Variants in RCOR2 observed in about 807,000 individuals in gnomAD.
The protein encoded by RCOR2 is REST corepressor 2.
A neutral mutation model predicts 58.9 loss-of-function variants in RCOR2; 19 were observed. The observed-to-expected ratio is 0.32, with a 90% CI of 0.23 to 0.47. The LOEUF is 0.47. RCOR2 is among the 20% of genes least tolerant of loss of function. RCOR2 has a pLI of 1.00. For missense variants in RCOR2, 590 were observed against 707.9 expected (o/e 0.83, Z 1.89); for synonymous variants, 286 against 278.7 (o/e 1.03, Z -0.26).
At chr11:63,926,793 T>G in the RCOR2 span, among the ~76,000 whole-genome samples, 1 of 121,618 alleles carries the variant, frequency 8.2e-6, no homozygotes, top group African/African-American at 2.6e-5. Context: ...TTTTTTTTTG[T>G]TTTGTTTTTT....
the RCOR2 span, among the ~76,000 whole-genome samples, chr11:63,923,689 A>G: frequency 1.3e-5 from 2 of 151,748 alleles, no homozygotes; most frequent in Admixed American, 1.3e-4. Flanking sequence ...CACTCCCTCA[A>G]TTCCCCTGGC....
At chr11:63,913,756 A>C (rs1399659253) in intron 8 of RCOR2, among the ~76,000 whole-genome samples, 198 bp downstream of exon 8, 1 of 152,208 alleles carries the variant, frequency 6.6e-6, no homozygotes, top group Non-Finnish European at 1.5e-5. Flanking sequence ...TGCCTGGATT[A>C]CAGGCGTGAG....
Position 63,916,539 on chromosome 11 carries a change from G to T in RCOR2, c.-83C>A. 1.3e-6 allele frequency: 2 copies of T among 1,500,038 alleles called. No individual in the cohort carries two copies. The highest frequency in any genetic ancestry group is 8.9e-7 in the Non-Finnish European group (1 of 1,126,820). The allele number at this position is 1,500,038 out of a possible 1,614,324, so 92.9% of individuals were successfully genotyped here. A position where few individuals can be genotyped will look rare whatever the true frequency, so the allele number is the denominator to read the frequency against. ...CGCACTCGCTCCGAGTGCCGAGCCC[G>T]GCCCGGCCTGGAGAGGTCGCCACTG... On this transcript the variant is annotated 5_prime_UTR_variant, in exon 1 of 12. Transcript: ENST00000301459.
chr11:63,926,174 G>A, the RCOR2 span, among the ~76,000 whole-genome samples: 1 of 152,050 alleles, frequency 6.6e-6, no homozygotes, highest in South Asian at 2.1e-4. Flanking sequence ...GCCTCCCAAA[G>A]TGCTGGGATT....
chr11:63,926,488 TC>T, the RCOR2 span, among the ~76,000 whole-genome samples: 12 of 72,794 alleles, frequency 1.6e-4, no homozygotes, highest in Admixed American at 5.6e-4. Flanking sequence ...TCTCTCTCTC[TC>T]TTTTTTTTTT....
rs1429621737 is a variant in RCOR2, at chr11:63,916,536, C to A, written c.-80G>T. ...TGCCGCACTCGCTCCGAGTGCCGAG[C>A]CCGGCCCGGCCTGGAGAGGTCGCCA... On this transcript the variant is annotated 5_prime_UTR_variant, in exon 1 of 12. Transcript: ENST00000301459. 6.0e-6 allele frequency: 9 copies of A among 1,503,846 alleles called. No homozygotes were observed. In the Admixed American group the frequency reaches 1.7e-4, roughly 28 times the overall value. 93.2% of individuals were successfully genotyped at this position (1,503,846 alleles called of 1,614,324 possible). A position where few individuals can be genotyped will look rare whatever the true frequency, so the allele number is the denominator to read the frequency against.
At chr11:63,915,518 A>AC (rs1362000212) in intron 2 of RCOR2, 37 bp downstream of exon 2, 3 of 1,541,480 alleles carry the variant, frequency 1.9e-6, no homozygotes, top group African/African-American at 1.4e-5. Flanking sequence ...CCGGGCCTCC[A>AC]CCCCCACCCC....
At chr11:63,913,290 G>A (rs1487439580) in intron 8 of RCOR2, among the ~76,000 whole-genome samples, 4 of 146,698 alleles carry the variant, frequency 2.7e-5, no homozygotes, top group African/African-American at 5.1e-5. Context: ...GGGTTCAAGC[G>A]ATTCTCCTGC....
At chr11:63,926,779 G>GTTTTTTTTTTTTTT in the RCOR2 span, among the ~76,000 whole-genome samples, 1 of 119,242 alleles carries the variant, frequency 8.4e-6, no homozygotes, top group Non-Finnish European at 1.8e-5. Flanking sequence ...TGCCTGGCCT[G>GTTTTTTTTTTTTTT]TTTTTTTTTT....
At chr11:63,913,825 T>C in intron 8 of RCOR2, 129 bp downstream of exon 8, 1 of 887,198 alleles carries the variant, frequency 1.1e-6, no homozygotes, top group African/African-American at 1.7e-5. Context: ...AACACCACAT[T>C]ACTCAGAGTC....
In RCOR2 at chr11:63,911,995, G is replaced by A; in HGVS notation, c.1442C>T (p.Ala481Val). 7.2e-7 allele frequency: 1 copy of A among 1,382,812 alleles called. No homozygotes were observed. 85.7% of individuals were successfully genotyped at this position (1,382,812 alleles called of 1,614,324 possible). The change falls in exon 12 of 12, where the codon GCC (alanine) becomes GTC (valine). Residue 481 changes from alanine to valine, a missense_variant. By Grantham distance (64) the Ala-to-Val change is moderately conservative (BLOSUM62 0). Transcript: ENST00000301459. Reference protein sequence around the residue: ...QQGRFLQPRLAPNQPPPPLIR... With the variant: ...QQGRFLQPRLVPNQPPPPLIR... ...GAGAGGCGGTGGGGGCTGGTTGGGG[G>A]CCAGCCGGGGCTGGAGGAAGCGGCC... is the stretch of plus-strand genomic sequence containing the variant.
At position 63,915,567 on chromosome 11, in the gene RCOR2, C is replaced by CCGGAATTA; in HGVS notation, c.164_171dup (p.Glu58Ter). ...TCCTGCGGCTCACCAGGCTTGCACT[C>CCGGAATTA]CGGAATTACGGCCTGGTAATTGGTT... On this transcript the variant is annotated stop_gained and frameshift_variant, in exon 2 of 12. Transcript: ENST00000301459. LOFTEE classifies it high-confidence loss of function. The CCGGAATTA allele has an allele frequency of 6.4e-7, 1 of 1,555,384 alleles. No homozygotes were observed. The highest frequency in any genetic ancestry group is 8.7e-7 in the Non-Finnish European group (1 of 1,148,528).
chr11:63,914,574 C>A, intron 5 of RCOR2, 33 bp from the exon 6 acceptor site: 1 of 1,612,828 alleles, frequency 6.2e-7, no homozygotes, highest in Non-Finnish European at 8.5e-7. Flanking sequence ...CTGGGGACCA[C>A]TCAAGACTCT....
intron 4 of RCOR2, 31 bp from the exon 5 acceptor site, chr11:63,914,847 AG>A (rs1565161343): frequency 6.9e-6 from 11 of 1,603,494 alleles, no homozygotes; most frequent in Non-Finnish European, 9.4e-6. Flanking sequence ...GCTGAGCCTG[AG>A]CTGCCCCGGC....
chr11:63,911,761 C>T lies in RCOR2; in HGVS notation c.*104G>A. The T allele has an allele frequency of 7.1e-7, 1 of 1,399,310 alleles. No individual in the cohort carries two copies. Among genetic ancestry groups the T allele is most frequent in the Non-Finnish European group, 9.2e-7 (1 of 1,086,656 alleles). 86.7% of individuals were successfully genotyped at this position (1,399,310 alleles called of 1,614,324 possible). A position where few individuals can be genotyped will look rare whatever the true frequency, so the allele number is the denominator to read the frequency against. On this transcript the variant is annotated 3_prime_UTR_variant, in exon 12 of 12. Coordinates refer to ENST00000301459, the MANE Select transcript of RCOR2 (RefSeq NM_173587.4). ...TCCGAAACTCTGGTCTTACAAAGACCCCGCCAGAGCCCTAGTCCCTTCTGT... is the reference window on the plus strand; with the variant it reads ...TCCGAAACTCTGGTCTTACAAAGACTCCGCCAGAGCCCTAGTCCCTTCTGT...
Position 63,914,721 on chromosome 11 carries a change from C to A in RCOR2, c.414G>T (p.Glu138Asp). The A allele has an allele frequency of 1.2e-6, 2 of 1,613,444 alleles. No individual in the cohort carries two copies. Among genetic ancestry groups the A allele is most frequent in the Non-Finnish European group, 1.7e-6 (2 of 1,179,706 alleles). Residue 138 changes from glutamate to aspartate, a missense_variant, in exon 5 of 12, where the codon GAG becomes GAT. Glu to Asp is a conservative substitution (Grantham distance 45, BLOSUM62 2). Around this residue, in one of 3 missense-constraint regions of RCOR2, gnomAD observed 390 missense variants for 478.7 expected, o/e 0.81. Transcript: ENST00000301459. Reference protein sequence around the residue: ...FTPFPDEWTVEDKVLFEQAFG... With the variant: ...FTPFPDEWTVDDKVLFEQAFG... ...AGGCCTGTTCAAACAGCACCTTGTC[C>A]TCTACTGTCCACTCGTCAGGGAATG... is the stretch of plus-strand genomic sequence containing the variant.
chr11:63,913,330 G>A (rs568043301), intron 8 of RCOR2, among the ~76,000 whole-genome samples: 14 of 150,558 alleles, frequency 9.3e-5, no homozygotes, highest in Non-Finnish European at 1.8e-4. Flanking sequence ...GGGATTACAA[G>A]CGCCTGCTAC....
Position 63,914,015 on chromosome 11 carries a change from G to T in RCOR2, c.830C>A (p.Pro277Gln). The change falls in exon 8 of 12, where the codon CCG (proline) becomes CAG (glutamine). Residue 277 changes from proline to glutamine, a missense_variant. Pro to Gln is a moderately conservative substitution (Grantham distance 76). Transcript: ENST00000301459. ...TCGGAGCGTGAGGTTGGCAAGGTCC[G>T]GGCTTCCTGACACTGCCGTGAGGCC... ...PEGLTAVSGSPDLANLTLRGL... is the reference protein window; with the variant it reads ...PEGLTAVSGSQDLANLTLRGL... The T allele has an allele frequency of 6.2e-7, 1 of 1,613,772 alleles. No individual in the cohort carries two copies. The highest frequency in any genetic ancestry group is 8.5e-7 in the Non-Finnish European group (1 of 1,179,950).
chr11:63,923,018 C>G, the RCOR2 span, among the ~76,000 whole-genome samples: 13 of 152,252 alleles, frequency 8.5e-5, no homozygotes, highest in South Asian at 2.7e-3. Context: ...CCATATGGCT[C>G]TTAGCATAGG....
Sources: gnomAD v4.1 joint callset for allele counts (sites outside exome capture counted in the v4.1 genomes callset) on GRCh38, gnomAD v4.1.1 for gene constraint, gnomAD v4.1.1 regional missense constraint, MANE v1.5 for transcripts, NCBI Gene and HGNC (gene_info 2026-07-23, HGNC 2026-07-21) for gene names.